The following SNX29 variants were observed in gnomAD, a reference collection of about 807,000 sequenced individuals.
SNX29 encodes the protein sorting nexin-29.
In SNX29, 78 loss-of-function variants were observed where a neutral mutation model predicts 102.1. The observed-to-expected ratio is 0.76, with a 90% confidence interval of 0.64 to 0.92. The LOEUF is 0.92. Ranked by LOEUF, SNX29 falls within the 40% of genes least tolerant of loss-of-function variation. The pLI, the probability that SNX29 is intolerant of heterozygous loss-of-function variation, is 0.00. For synonymous variants in SNX29, 580 were observed against 414.5 expected, an observed-to-expected ratio of 1.40 and a Z score of -4.85; for missense variants, 1,280 against 1,061.7, an observed-to-expected ratio of 1.21 and a Z score of -2.86.
chr16:12,216,215 C>T lies in SNX29; in HGVS notation c.1678+16532C>T, dbSNP rs138676376. Among the ~76,000 whole-genome samples, 238 of 152,068 alleles carry T rather than the reference C, an allele frequency of 1.6e-3. 1 individual carries two copies. The highest frequency in any genetic ancestry group is 5.3e-3 in the African/African-American group (219 of 41,464). ...AGAAAATAAAATATCATTGATAAAC[C>T]CTCAAGCACTGTTAATATTTTGGAA... is the stretch of plus-strand genomic sequence containing the variant. On this transcript the variant is annotated intron_variant, in intron 14 of 20. Coordinates refer to ENST00000566228, the MANE Select transcript of SNX29 (RefSeq NM_032167.5).
intron 14 of SNX29, among the ~76,000 whole-genome samples, chr16:12,237,936 G>A (rs376645394): frequency 1.3e-5 from 2 of 152,092 alleles, no homozygotes; most frequent in African/African-American, 2.4e-5. Context: ...TAAAAGATGG[G>A]GCCTGAGGTG....
intron 8 of SNX29, chr16:12,052,794 G>A (rs2050361258): frequency 6.3e-6 from 1 of 159,488 alleles, no homozygotes; most frequent in Non-Finnish European, 1.4e-5. Context: ...TCATTTCACA[G>A]GGTTCACAGG....
chr16:12,074,830 A>G (rs1259438966), intron 10 of SNX29, among the ~76,000 whole-genome samples: 2 of 152,154 alleles, frequency 1.3e-5, no homozygotes, highest in Non-Finnish European at 2.9e-5. Context: ...GTCTTTTCAT[A>G]TAGTCCCATA....
chr16:12,233,834 C>G (rs2077843087), intron 14 of SNX29, among the ~76,000 whole-genome samples: 3 of 152,148 alleles, frequency 2.0e-5, no homozygotes, highest in Non-Finnish European at 4.4e-5. Flanking sequence ...CTGGACACTT[C>G]ATATCAGTGG....
chr16:12,450,675 G>A (rs1465501974), intron 18 of SNX29, among the ~76,000 whole-genome samples: 1 of 152,182 alleles, frequency 6.6e-6, no homozygotes, highest in Non-Finnish European at 1.5e-5. Flanking sequence ...GTGGCCCAAA[G>A]GATGAGCTAG....
At chr16:12,157,359 C>A (rs1815429845) in intron 13 of SNX29, among the ~76,000 whole-genome samples, 1 of 152,074 alleles carries the variant, frequency 6.6e-6, no homozygotes, top group African/African-American at 2.4e-5. Flanking sequence ...AGGCGATGTG[C>A]ACACACTGGC....
At chr16:12,229,706 T>G (rs1488755094) in intron 14 of SNX29, among the ~76,000 whole-genome samples, 1 of 152,000 alleles carries the variant, frequency 6.6e-6, no homozygotes, top group African/African-American at 2.4e-5. Flanking sequence ...ACAATTGAAG[T>G]AGTGTAGAGG....
intron 1 of SNX29, among the ~76,000 whole-genome samples, chr16:11,992,082 G>T (rs2055875491): frequency 6.6e-6 from 1 of 152,030 alleles, no homozygotes; most frequent in Admixed American, 6.6e-5. Flanking sequence ...ATCATTTGAG[G>T]CCAGGAGTTT....
At chr16:12,104,333 A>T (rs2053141837) in intron 11 of SNX29, among the ~76,000 whole-genome samples, 1 of 152,200 alleles carries the variant, frequency 6.6e-6, no homozygotes. Context: ...AGATGGGCAG[A>T]TCACCTGAGG....
chr16:12,386,851 G>A (rs1296737407), intron 16 of SNX29, among the ~76,000 whole-genome samples: 3 of 150,436 alleles, frequency 2.0e-5, no homozygotes, highest in Admixed American at 6.6e-5. Flanking sequence ...TAGGTCGGGC[G>A]TGGTGACTCA....
At chr16:12,115,965 A>G (rs1009535311) in intron 11 of SNX29, among the ~76,000 whole-genome samples, 1 of 152,158 alleles carries the variant, frequency 6.6e-6, no homozygotes, top group Non-Finnish European at 1.5e-5. Flanking sequence ...TGCTTTTTCA[A>G]CTGGATCAGT....
intron 13 of SNX29, among the ~76,000 whole-genome samples, chr16:12,137,881 C>T (rs1215502946): frequency 2.0e-5 from 3 of 152,164 alleles, no homozygotes; most frequent in Non-Finnish European, 2.9e-5. Context: ...GGGTGTGGGC[C>T]GTTTCATTGC....
chr16:12,563,222 T>A (rs1409741795), intron 20 of SNX29, among the ~76,000 whole-genome samples: 1 of 151,862 alleles, frequency 6.6e-6, no homozygotes, highest in Non-Finnish European at 1.5e-5. Flanking sequence ...GCTCATACCC[T>A]GAAAGTGGCC....
At chr16:12,364,991 A>G (rs1258941424) in intron 16 of SNX29, among the ~76,000 whole-genome samples, 5 of 152,064 alleles carry the variant, frequency 3.3e-5, no homozygotes, top group African/African-American at 9.7e-5. Context: ...CCCTCTAGGC[A>G]GTCCTTATAA....
intron 20 of SNX29, among the ~76,000 whole-genome samples, chr16:12,536,027 CTAATT>C (rs2077067966): frequency 6.6e-6 from 1 of 152,112 alleles, no homozygotes; most frequent in South Asian, 2.1e-4. Flanking sequence ...TATCCCGTTC[CTAATT>C]TGATTGCCCA....
At chr16:12,219,169 T>C (rs947243209) in intron 14 of SNX29, among the ~76,000 whole-genome samples, 6 of 152,206 alleles carry the variant, frequency 3.9e-5, no homozygotes, top group African/African-American at 1.4e-4. Flanking sequence ...AGAAGTGCTG[T>C]TGCTGATTCA....
chr16:12,564,684 G>A (rs1264072908), intron 20 of SNX29, among the ~76,000 whole-genome samples: 3 of 152,100 alleles, frequency 2.0e-5, no homozygotes, highest in Non-Finnish European at 4.4e-5. Context: ...ACATTCCTCT[G>A]TTGCTTAGGC....
chr16:12,173,388 G>A (rs1303883945), intron 13 of SNX29, among the ~76,000 whole-genome samples: 3 of 152,216 alleles, frequency 2.0e-5, no homozygotes, highest in African/African-American at 7.2e-5. Flanking sequence ...TTCACAAGCA[G>A]GCACAGATAC....
chr16:12,479,063 C>T (rs2087788575), intron 19 of SNX29, among the ~76,000 whole-genome samples: 1 of 152,194 alleles, frequency 6.6e-6, no homozygotes, highest in Non-Finnish European at 1.5e-5. Flanking sequence ...AGTGTGACCC[C>T]AGCTAGCAGC....
Sources: allele counts gnomAD v4.1 joint callset (sites outside exome capture counted in the v4.1 genomes callset), GRCh38; gene constraint gnomAD v4.1.1; transcripts MANE v1.5; gene names NCBI Gene and HGNC (gene_info 2026-07-23, HGNC 2026-07-21).